The following HOXC4 variants were observed in gnomAD, a reference collection of about 807,000 sequenced individuals.
HOXC4 encodes homeobox C4, also known as homeobox protein Hox-C4.
A neutral mutation model predicts 25.5 loss-of-function variants in HOXC4; 15 were observed. The observed-to-expected ratio is 0.59, with a 90% CI of 0.39 to 0.91. The LOEUF (loss-of-function observed/expected upper bound fraction) is 0.91, where lower values mean the gene tolerates loss of function less well. Ranked by LOEUF, HOXC4 falls within the 40% of genes least tolerant of loss-of-function variation. The probability of loss-of-function intolerance (pLI) is 0.00; values close to 1 mark genes in which losing one functional copy is unlikely to be tolerated. For synonymous variants in HOXC4, 165 were observed against 148.0 expected, an observed-to-expected ratio of 1.11 and a Z score of -0.83; for missense variants, 342 against 352.4, an observed-to-expected ratio of 0.97 and a Z score of 0.24.
intron 1 of HOXC4, among the ~76,000 whole-genome samples, chr12:54,044,614 C>T (rs1394045491): frequency 6.6e-6 from 1 of 152,088 alleles, no homozygotes; most frequent in Admixed American, 6.5e-5. Flanking sequence ...GAGATGGCAG[C>T]GGGGCATAGG....
intron 1 of HOXC4, among the ~76,000 whole-genome samples, chr12:54,024,027 T>G (rs2136426078): frequency 6.6e-6 from 1 of 152,330 alleles, no homozygotes; most frequent in East Asian, 1.9e-4. Context: ...TTTTAATTTC[T>G]AAATAAAAAA....
chr12:54,036,949 G>A (rs2136453203), intron 1 of HOXC4, among the ~76,000 whole-genome samples: 1 of 152,320 alleles, frequency 6.6e-6, no homozygotes, highest in South Asian at 2.1e-4. Context: ...TAGGGGCAAT[G>A]TTGGTTAGAG....
intron 1 of HOXC4, among the ~76,000 whole-genome samples, chr12:54,027,529 C>T (rs750410258): frequency 8.5e-5 from 13 of 152,254 alleles, no homozygotes; most frequent in Admixed American, 3.3e-4. Context: ...GTTGATGTCT[C>T]TAGAAAGATT....
intron 1 of HOXC4, chr12:54,020,172 A>G (rs1473404473): frequency 2.6e-5 from 4 of 152,194 alleles, no homozygotes; most frequent in Non-Finnish European, 5.9e-5. Flanking sequence ...CCTGCAGGAG[A>G]GCCCTTCTGT....
chr12:54,022,930 C>T (rs1447014377), intron 1 of HOXC4, among the ~76,000 whole-genome samples: 2 of 152,146 alleles, frequency 1.3e-5, no homozygotes, highest in Non-Finnish European at 2.9e-5. Context: ...CAGCACACCC[C>T]CTATTGCGGC....
intron 1 of HOXC4, chr12:54,034,253 G>T: frequency 6.2e-7 from 1 of 1,600,416 alleles, no homozygotes; most frequent in Non-Finnish European, 8.5e-7. Context: ...CCCCTTCCTG[G>T]CTTGGGGTGG....
At chr12:54,046,083 G>C (rs1261233008) in intron 1 of HOXC4, among the ~76,000 whole-genome samples, 1 of 152,050 alleles carries the variant, frequency 6.6e-6, no homozygotes, top group Non-Finnish European at 1.5e-5. Flanking sequence ...GGGAAAAAGG[G>C]ATCAAGTCCC....
chr12:54,029,544 A>G, intron 1 of HOXC4: 1 of 1,122,862 alleles, frequency 8.9e-7, no homozygotes, highest in Admixed American at 2.3e-5. Flanking sequence ...AGCCCTAAGG[A>G]GGCTGTGAGC....
upstream of HOXC4, among the ~76,000 whole-genome samples, chr12:54,049,446 G>A (rs1419614999): frequency 6.6e-6 from 1 of 151,972 alleles, no homozygotes; most frequent in Admixed American, 6.5e-5. Context: ...GGCAAGGCAA[G>A]AGAAATCCAT....
intron 1 of HOXC4, chr12:54,033,143 T>G: frequency 6.2e-7 from 1 of 1,610,200 alleles, no homozygotes; most frequent in Non-Finnish European, 8.5e-7. Flanking sequence ...ACGTAGCCAA[T>G]TCATTCTATA....
At chr12:54,033,932 T>C in intron 1 of HOXC4, 1 of 384,582 alleles carries the variant, frequency 2.6e-6, no homozygotes, top group East Asian at 8.3e-5. Context: ...CGCTTGCGGC[T>C]CCGGAGGATT....
intron 1 of HOXC4, chr12:54,028,262 TA>T (rs1940812793): frequency 5.4e-5 from 4 of 73,508 alleles, no homozygotes; most frequent in African/African-American, 9.1e-5. Flanking sequence ...TATATATATA[TA>T]TATATTTTTT....
upstream of HOXC4, among the ~76,000 whole-genome samples, chr12:54,048,877 G>T (rs920301476): frequency 6.6e-6 from 1 of 152,134 alleles, no homozygotes; most frequent in Non-Finnish European, 1.5e-5. Flanking sequence ...CCACATTTAG[G>T]TTCCTTGAAA....
upstream of HOXC4, chr12:54,053,324 G>A (rs1231275382): frequency 1.3e-5 from 2 of 152,746 alleles, no homozygotes; most frequent in South Asian, 4.1e-4. Context: ...TCCTTGGATG[G>A]GGGGCACTCC....
intron 1 of HOXC4, among the ~76,000 whole-genome samples, chr12:54,032,702 A>C (rs1941029934): frequency 6.6e-6 from 1 of 152,162 alleles, no homozygotes; most frequent in South Asian, 2.1e-4. Context: ...CAGCCACCGG[A>C]AAGCAAGCTG....
intron 1 of HOXC4, among the ~76,000 whole-genome samples, chr12:54,048,758 C>A (rs1225273795): frequency 6.6e-6 from 1 of 152,188 alleles, no homozygotes; most frequent in African/African-American, 2.4e-5. Context: ...CTCATAAACT[C>A]TTAAAAGTGT....
chr12:54,031,671 C>G (rs184236165), intron 1 of HOXC4, among the ~76,000 whole-genome samples: 446 of 152,286 alleles, frequency 2.9e-3, no homozygotes, highest in African/African-American at 0.01. Flanking sequence ...CCGGGCCCTT[C>G]AGATTCCCTC....
intron 1 of HOXC4, chr12:54,037,964 G>A (rs892213317): frequency 6.6e-6 from 1 of 152,238 alleles, no homozygotes; most frequent in Non-Finnish European, 1.5e-5. Flanking sequence ...CGGCGCTGGG[G>A]ACGATGGTGA....
intron 1 of HOXC4, among the ~76,000 whole-genome samples, chr12:54,046,758 C>T (rs1175038995): frequency 1.3e-5 from 2 of 152,126 alleles, no homozygotes; most frequent in Non-Finnish European, 2.9e-5. Context: ...TCTTGTCTTC[C>T]CCTTTCTCTC....
Sources: allele counts gnomAD v4.1 joint callset (sites outside exome capture counted in the v4.1 genomes callset), GRCh38; gene constraint gnomAD v4.1.1; transcripts MANE v1.5; gene names NCBI Gene and HGNC (gene_info 2026-07-23, HGNC 2026-07-21).